The following FARS2 variants were observed in gnomAD, a reference collection of about 807,000 sequenced individuals.
FARS2 encodes the protein phenylalanyl-tRNA synthetase 2, mitochondrial, also known as phenylalanine--tRNA ligase, mitochondrial.
Under a neutral mutation model 46.4 loss-of-function variants are expected in FARS2, and 40 were observed. That is an observed-to-expected ratio of 0.86 (90% CI 0.67 to 1.12). FARS2 has a LOEUF of 1.12. Among genes scored for constraint, FARS2 ranks in the 50% most tolerant of loss-of-function variants. FARS2 has a pLI of 0.00. For missense variants in FARS2, 513 were observed against 567.9 expected (o/e 0.90, Z 0.98); for synonymous variants, 234 against 214.9 (o/e 1.09, Z -0.78).
chr6:5,690,004 A>G (rs1195720063), intron 6 of FARS2, among the ~76,000 whole-genome samples: 5 of 152,152 alleles, frequency 3.3e-5, no homozygotes, highest in African/African-American at 4.8e-5. Context: ...TGTTTTATCC[A>G]AGACTAGGAT....
At chr6:5,437,719 T>G (rs1236826923) in intron 4 of FARS2, among the ~76,000 whole-genome samples, 1 of 152,250 alleles carries the variant, frequency 6.6e-6, no homozygotes, top group Non-Finnish European at 1.5e-5. Context: ...ATATATTACA[T>G]CTACATACAT....
At chr6:5,371,599 G>C (rs953077633) in intron 2 of FARS2, among the ~76,000 whole-genome samples, 7 of 152,064 alleles carry the variant, frequency 4.6e-5, no homozygotes, top group Admixed American at 1.3e-4. Context: ...TAAATTGGGG[G>C]GAGTAATCAA....
rs949701647 is a variant in FARS2, at chr6:5,359,163, C to G, written c.-21-9387C>G. Among the ~76,000 whole-genome samples, 3 of 151,652 alleles carry G rather than the reference C, an allele frequency of 2.0e-5. No homozygotes were observed. In the South Asian group the frequency reaches 6.3e-4, roughly 32 times the overall value. On this transcript the variant is annotated intron_variant, in intron 1 of 6. Transcript: ENST00000274680. Reference sequence around the variant, plus strand: ...CAAGCTATTCTCCCGCCTCAGCCTCCCCAGTAGCTGGAATTACAGGTGTGT... The same window carrying G: ...CAAGCTATTCTCCCGCCTCAGCCTCGCCAGTAGCTGGAATTACAGGTGTGT...
At chr6:5,504,776 A>G (rs1319202759) in intron 4 of FARS2, among the ~76,000 whole-genome samples, 3 of 152,236 alleles carry the variant, frequency 2.0e-5, no homozygotes, top group African/African-American at 7.2e-5. Context: ...TAACATAAAG[A>G]ATGTAAAGAA....
At chr6:5,482,140 T>G (rs966254315) in intron 4 of FARS2, among the ~76,000 whole-genome samples, 8 of 152,174 alleles carry the variant, frequency 5.3e-5, no homozygotes, top group African/African-American at 1.9e-4. Context: ...TACATCTTTT[T>G]TTTTTTGAAT....
At chr6:5,685,210 A>G (rs1757103664) in intron 6 of FARS2, among the ~76,000 whole-genome samples, 1 of 152,190 alleles carries the variant, frequency 6.6e-6, no homozygotes, top group Non-Finnish European at 1.5e-5. Context: ...CACATCTGCC[A>G]TTTCAAGGAA....
intron 6 of FARS2, among the ~76,000 whole-genome samples, chr6:5,680,357 C>G (rs1733078377): frequency 1.3e-5 from 2 of 152,190 alleles, no homozygotes; most frequent in South Asian, 2.1e-4. Context: ...TCCACACCAC[C>G]AGCTTGGGCA....
intron 4 of FARS2, among the ~76,000 whole-genome samples, chr6:5,481,157 G>C (rs1246385893): frequency 6.6e-6 from 1 of 152,180 alleles, no homozygotes; most frequent in African/African-American, 2.4e-5. Flanking sequence ...TCTGGCACAA[G>C]CATCTTCTCG....
At chr6:5,299,529 A>G (rs1172784931) in intron 1 of FARS2, among the ~76,000 whole-genome samples, 1 of 152,178 alleles carries the variant, frequency 6.6e-6, no homozygotes, top group Non-Finnish European at 1.5e-5. Flanking sequence ...AAAGTTCATC[A>G]AAGTTTGGAG....
At chr6:5,648,154 A>C (rs536772196) in intron 6 of FARS2, among the ~76,000 whole-genome samples, 1 of 152,344 alleles carries the variant, frequency 6.6e-6, no homozygotes, top group East Asian at 1.9e-4. Flanking sequence ...ATAATTCCGG[A>C]GAATTTCCCT....
At chr6:5,569,984 A>C (rs561452841) in intron 5 of FARS2, among the ~76,000 whole-genome samples, 91 of 152,362 alleles carry the variant, frequency 6.0e-4, no homozygotes, top group Non-Finnish European at 1.2e-3. Context: ...TGCCTGCCCA[A>C]CATGCTGGAC....
At chr6:5,266,644 T>G (rs117254290) in intron 1 of FARS2, among the ~76,000 whole-genome samples, 1 of 152,226 alleles carries the variant, frequency 6.6e-6, no homozygotes, top group Non-Finnish European at 1.5e-5. Context: ...ACAGATAAAG[T>G]ACCAGCTTCA....
chr6:5,282,713 A>G (rs776186759), intron 1 of FARS2, among the ~76,000 whole-genome samples: 1 of 152,230 alleles, frequency 6.6e-6, no homozygotes, highest in Non-Finnish European at 1.5e-5. Flanking sequence ...GGGTCCAGGA[A>G]TGGTGCCTAG....
chr6:5,576,739 TTCAG>T (rs1486182314), intron 5 of FARS2, among the ~76,000 whole-genome samples: 1 of 151,618 alleles, frequency 6.6e-6, no homozygotes, highest in African/African-American at 2.4e-5. Flanking sequence ...TATGTATTCA[TTCAG>T]TAATTTGTAT....
intron 1 of FARS2, among the ~76,000 whole-genome samples, chr6:5,358,600 G>A (rs1011094187): frequency 2.0e-5 from 3 of 152,134 alleles, no homozygotes; most frequent in Admixed American, 6.5e-5. Context: ...ATGGATATTG[G>A]TAATGTGAAC....
chr6:5,629,564 T>A (rs576783315), intron 6 of FARS2, among the ~76,000 whole-genome samples: 1 of 152,162 alleles, frequency 6.6e-6, no homozygotes, highest in East Asian at 1.9e-4. Context: ...GATGAGGGGC[T>A]AGATCCTAAA....
At chr6:5,286,818 A>T (rs1263345016) in intron 1 of FARS2, among the ~76,000 whole-genome samples, 1 of 152,218 alleles carries the variant, frequency 6.6e-6, no homozygotes, top group Non-Finnish European at 1.5e-5. Flanking sequence ...TATGTGTGTG[A>T]GAGAGAACAG....
intron 4 of FARS2, among the ~76,000 whole-genome samples, chr6:5,432,238 C>T (rs1429939230): frequency 6.9e-6 from 1 of 144,568 alleles, no homozygotes; most frequent in Non-Finnish European, 1.5e-5. Flanking sequence ...ATCACTTGAA[C>T]CCAGGAGGCG....
Position 5,263,346 on chromosome 6 carries a change from T to C in FARS2, c.-22+1686T>C, listed in dbSNP as rs113942756. On this transcript the variant is annotated intron_variant, in intron 1 of 6. Transcript: ENST00000274680. ...TGTTAGTACGAGCAATGGTTGCAGT[T>C]AGGAAAGTGATAGGCTTCCCAGTTA... Among the ~76,000 whole-genome samples the C allele has an allele frequency of 9.3e-3, 1,409 of 152,320 alleles. 28 individuals are homozygous for C. The highest frequency in any genetic ancestry group is 0.032 in the African/African-American group (1,332 of 41,566).
Sources: allele counts gnomAD v4.1 joint callset (sites outside exome capture counted in the v4.1 genomes callset), GRCh38; gene constraint gnomAD v4.1.1; transcripts MANE v1.5; gene names NCBI Gene and HGNC (gene_info 2026-07-23, HGNC 2026-07-21).